The following RHOH variants were observed in gnomAD, a reference collection of about 807,000 sequenced individuals.
The protein encoded by RHOH is ras homolog family member H.
Under a neutral mutation model 13.8 loss-of-function variants are expected in RHOH, and 6 were observed. The ratio of observed to expected loss-of-function variants is 0.44; its 90% confidence interval spans 0.24 to 0.86. The LOEUF is 0.86. Ranked by LOEUF, RHOH falls within the 40% of genes least tolerant of loss-of-function variation. The pLI is 0.24. For missense variants in RHOH, 147 were observed against 244.5 expected (o/e 0.60, Z 2.66); for synonymous variants, 117 against 103.0 (o/e 1.14, Z -0.82).
At chr4:40,201,258 C>T (rs150276122) in intron 1 of RHOH, among the ~76,000 whole-genome samples, 4 of 152,014 alleles carry the variant, frequency 2.6e-5, no homozygotes, top group African/African-American at 9.7e-5. Flanking sequence ...TCTATCCCCC[C>T]CTTTTTTTTT....
rs1052018184 is a variant in RHOH, at chr4:40,197,138, A to C, written c.-493A>C. ...ATTTTCAGTTCTTCCAGTGTGAATC[A>C]GTTAATATTCTCGGGAACGAGGGAG... On this transcript the variant is annotated 5_prime_UTR_variant, in exon 1 of 3. Transcript: ENST00000381799. 3 of 152,206 alleles carry C rather than the reference A, an allele frequency of 2.0e-5. No homozygotes were observed. Among genetic ancestry groups the C allele is most frequent in the Admixed American group, 1.3e-4 (2 of 15,276 alleles). The allele number at this position is 152,206 out of a possible 1,614,324, so 9.4% of individuals were successfully genotyped here. A position where few individuals can be genotyped will look rare whatever the true frequency, so the allele number is the denominator to read the frequency against.
At chr4:40,242,326 G>A (rs1729354719) in intron 1 of RHOH, among the ~76,000 whole-genome samples, 1 of 152,234 alleles carries the variant, frequency 6.6e-6, no homozygotes, top group African/African-American at 2.4e-5. Flanking sequence ...GCCTAGCGGA[G>A]TTCGGGATAC....
Position 40,243,801 on chromosome 4 carries a change from C to G in RHOH, c.415C>G (p.Leu139Val). Reference protein sequence around the residue: ...SCVNAMEGKKLAQDVRAKGYL... With the variant: ...SCVNAMEGKKVAQDVRAKGYL... ...CGTCAATGCCATGGAAGGGAAGAAA[C>G]TGGCCCAGGATGTCAGAGCCAAGGG... is the stretch of plus-strand genomic sequence containing the variant. The change falls in exon 3 of 3, where the codon CTG (leucine) becomes GTG (valine). Residue 139 changes from leucine to valine, a missense_variant. Physicochemically the swap from Leu to Val is conservative, Grantham distance 32. Transcript: ENST00000381799. The surrounding 1 kb of genome is among the most constrained non-coding windows in gnomAD (Gnocchi z 6.2). The G allele has an allele frequency of 1.2e-6, 2 of 1,614,140 alleles. No homozygotes were observed. The highest frequency in any genetic ancestry group is 1.7e-6 in the Non-Finnish European group (2 of 1,180,020).
intron 1 of RHOH, among the ~76,000 whole-genome samples, chr4:40,222,684 G>C (rs1196294493): frequency 6.6e-6 from 1 of 152,214 alleles, no homozygotes; most frequent in African/African-American, 2.4e-5. Context: ...CTGTTTTCAT[G>C]CCTGTTAACA....
intron 1 of RHOH, among the ~76,000 whole-genome samples, chr4:40,230,048 ACTT>A (rs1175225123): frequency 6.6e-6 from 1 of 151,858 alleles, no homozygotes; most frequent in African/African-American, 2.4e-5. Context: ...TATAAAAAGG[ACTT>A]CTTTTTTTTT....
chr4:40,198,507 G>A (rs1336088961), intron 1 of RHOH, among the ~76,000 whole-genome samples: 3 of 152,296 alleles, frequency 2.0e-5, no homozygotes, highest in East Asian at 1.9e-4. Context: ...CGGCTCTCAC[G>A]GCACCAGCAG....
In RHOH at chr4:40,245,290, C is replaced by T. The variant is rs563313811; in HGVS notation, c.*1328C>T. 1.3e-5 allele frequency: 2 copies of T among 152,042 alleles called. No individual in the cohort carries two copies. Among genetic ancestry groups the T allele is most frequent in the Admixed American group, 6.6e-5 (1 of 15,262 alleles). The allele number at this position is 152,042 out of a possible 1,614,324, so 9.4% of individuals were successfully genotyped here. On this transcript the variant is annotated 3_prime_UTR_variant, in exon 3 of 3. Coordinates refer to ENST00000381799, the MANE Select transcript of RHOH (RefSeq NM_004310.5). ...CTGGGTTGGGCAGGGCGTGGTGGCT[C>T]ACTTTGGGAGGCTGAGACGGGTGGA... is the stretch of plus-strand genomic sequence containing the variant.
intron 1 of RHOH, among the ~76,000 whole-genome samples, chr4:40,235,578 G>A (rs1313366613): frequency 6.1e-5 from 3 of 49,532 alleles, no homozygotes; most frequent in African/African-American, 2.3e-4. Context: ...CAAAAAGAGC[G>A]AAACTTCATC....
chr4:40,197,087 G>A lies in RHOH; in HGVS notation c.-544G>A, dbSNP rs1723227415. ...CACACTAACCCAACCATCTTGGGGTGGACTCCCTGCCAGCCCAACTGTTGT... is the reference window on the plus strand; with the variant it reads ...CACACTAACCCAACCATCTTGGGGTAGACTCCCTGCCAGCCCAACTGTTGT... On this transcript the variant is annotated 5_prime_UTR_variant, in exon 1 of 3. Coordinates refer to ENST00000381799, the MANE Select transcript of RHOH (RefSeq NM_004310.5). The A allele has an allele frequency of 6.6e-6, 1 of 152,170 alleles. No homozygotes were observed. The highest frequency in any genetic ancestry group is 1.5e-5 in the Non-Finnish European group (1 of 68,040). The allele number at this position is 152,170 out of a possible 1,614,324, so 9.4% of individuals were successfully genotyped here.
At chr4:40,195,071 G>A (rs1225257721), upstream of RHOH, among the ~76,000 whole-genome samples, 1 of 152,190 alleles carries the variant, frequency 6.6e-6, no homozygotes, top group Non-Finnish European at 1.5e-5. Context: ...TTGCTGAAGA[G>A]CATAGAACCA....
chr4:40,241,959 T>A (rs1433981208), intron 1 of RHOH, among the ~76,000 whole-genome samples: 1 of 152,210 alleles, frequency 6.6e-6, no homozygotes, highest in Non-Finnish European at 1.5e-5. Context: ...GACTTAAAAA[T>A]TATGTTTAAA....
chr4:40,235,608 A>T (rs1728471165), intron 1 of RHOH, among the ~76,000 whole-genome samples: 1 of 145,380 alleles, frequency 6.9e-6, no homozygotes. Context: ...AAAAAAAAAA[A>T]GAAAAAAGAA....
chr4:40,235,148 C>T, intron 1 of RHOH: 1 of 152,102 alleles, frequency 6.6e-6, no homozygotes, highest in East Asian at 1.9e-4. Flanking sequence ...AGGTGGTAAC[C>T]TTATTTTTAA....
chr4:40,209,619 A>G (rs151065506), intron 1 of RHOH: 41 of 152,040 alleles, frequency 2.7e-4, no homozygotes, highest in African/African-American at 8.4e-4. Context: ...TAAGTTTTGT[A>G]TTTTTTTGTA....
chr4:40,214,257 G>A (rs1010603902), intron 1 of RHOH, among the ~76,000 whole-genome samples: 2 of 152,162 alleles, frequency 1.3e-5, no homozygotes, highest in African/African-American at 4.8e-5. Flanking sequence ...ACAAGATATG[G>A]GCATCATGCA....
intron 1 of RHOH, among the ~76,000 whole-genome samples, chr4:40,209,060 A>G (rs749202609): frequency 2.3e-4 from 35 of 152,110 alleles, no homozygotes; most frequent in Non-Finnish European, 4.1e-4. Flanking sequence ...AAGGCCAATA[A>G]TCCTTATTAA....
At chr4:40,235,999 GA>G (rs55926531) in intron 1 of RHOH, among the ~76,000 whole-genome samples, 61,949 of 142,278 alleles carry the variant, frequency 0.44, 15,726 homozygotes, top group Non-Finnish European at 0.57. Flanking sequence ...AAAAAAAAAA[GA>G]AAAAAAAAAG....
intron 1 of RHOH, among the ~76,000 whole-genome samples, chr4:40,237,190 C>T (rs1373368227): frequency 1.3e-5 from 2 of 152,070 alleles, no homozygotes; most frequent in Admixed American, 6.6e-5. Flanking sequence ...AGGTGGCTCA[C>T]GCCTGTAATC....
chr4:40,234,229 C>T (rs566349298), intron 1 of RHOH, among the ~76,000 whole-genome samples: 2 of 152,312 alleles, frequency 1.3e-5, no homozygotes, highest in South Asian at 2.1e-4. Flanking sequence ...TCAGAGACCA[C>T]GTGTCCTTCC....
Sources: allele counts gnomAD v4.1 joint callset (sites outside exome capture counted in the v4.1 genomes callset), GRCh38; gene constraint gnomAD v4.1.1; non-coding constraint Gnocchi (gnomAD v3.1); transcripts MANE v1.5; gene names NCBI Gene and HGNC (gene_info 2026-07-23, HGNC 2026-07-21).